CTNNA3: variants seen among roughly 807,000 people sequenced by gnomAD.
The protein encoded by CTNNA3 is catenin alpha-3.
A neutral mutation model predicts 95.7 loss-of-function variants in CTNNA3; 76 were observed. That is an observed-to-expected ratio of 0.79 (90% CI 0.66 to 0.96). The LOEUF (loss-of-function observed/expected upper bound fraction) is 0.96. Among genes scored for constraint, CTNNA3 ranks in the 40% least tolerant of loss-of-function variants. The pLI is 0.00. For missense variants in CTNNA3, 1,191 were observed against 1,089.8 expected (o/e 1.09, Z -1.31); for synonymous variants, 431 against 374.4 (o/e 1.15, Z -1.74).
At chr10:66,750,721 T>G (rs1282617167) in intron 9 of CTNNA3, among the ~76,000 whole-genome samples, 1 of 152,190 alleles carries the variant, frequency 6.6e-6, no homozygotes, top group African/African-American at 2.4e-5. Flanking sequence ...TATATAAACT[T>G]TAGAAGTAAT....
At chr10:66,824,320 G>A (rs1029433807) in intron 7 of CTNNA3, among the ~76,000 whole-genome samples, 1 of 152,114 alleles carries the variant, frequency 6.6e-6, no homozygotes, top group Non-Finnish European at 1.5e-5. Flanking sequence ...TTCAAGTCAC[G>A]GACTAGGATA....
At chr10:66,560,624 A>T (rs933166310) in intron 10 of CTNNA3, among the ~76,000 whole-genome samples, 3 of 152,056 alleles carry the variant, frequency 2.0e-5, no homozygotes, top group Admixed American at 6.6e-5. Flanking sequence ...ATATTAGTTT[A>T]TGAATTCATT....
chr10:67,511,676 C>A (rs1246307541), intron 5 of CTNNA3, among the ~76,000 whole-genome samples: 2 of 152,100 alleles, frequency 1.3e-5, no homozygotes, highest in African/African-American at 4.8e-5. Context: ...TGTGTCTCTG[C>A]CAGGCTTTGG....
intron 15 of CTNNA3, among the ~76,000 whole-genome samples, chr10:66,030,937 G>GA (rs1043146898): frequency 8.6e-5 from 13 of 151,512 alleles, no homozygotes; most frequent in African/African-American, 3.1e-4. Flanking sequence ...ACATACATAT[G>GA]AAAAAAATGC....
chr10:66,673,600 G>A (rs1330390404), intron 9 of CTNNA3, among the ~76,000 whole-genome samples: 1 of 151,946 alleles, frequency 6.6e-6, no homozygotes, highest in Non-Finnish European at 1.5e-5. Context: ...GGTGGAAAAT[G>A]ATATATTTAA....
chr10:67,537,273 AGTT>A (rs1840514857), intron 4 of CTNNA3, among the ~76,000 whole-genome samples: 2 of 152,270 alleles, frequency 1.3e-5, no homozygotes, highest in African/African-American at 4.8e-5. Flanking sequence ...CCATTAGAGT[AGTT>A]AAGTTCCAAA....
intron 1 of CTNNA3, among the ~76,000 whole-genome samples, chr10:67,669,165 T>C (rs1259779188): frequency 6.6e-6 from 1 of 152,186 alleles, no homozygotes; most frequent in Non-Finnish European, 1.5e-5. Flanking sequence ...AGCAGTGGGC[T>C]CTTAGCAGGT....
chr10:66,331,338 G>GTTT (rs2092326740), intron 12 of CTNNA3, among the ~76,000 whole-genome samples: 1 of 39,116 alleles, frequency 2.6e-5, no homozygotes, highest in Non-Finnish European at 5.9e-5. Context: ...TTTCCCCATT[G>GTTT]TTTGTTTTTT....
chr10:66,385,318 C>G (rs4483479), intron 11 of CTNNA3, among the ~76,000 whole-genome samples: 2 of 151,872 alleles, frequency 1.3e-5, no homozygotes, highest in Non-Finnish European at 2.9e-5. Flanking sequence ...AACACCTCTA[C>G]GCAAATAAAC....
At chr10:65,992,133 T>C (rs1158394195) in intron 15 of CTNNA3, among the ~76,000 whole-genome samples, 1 of 152,168 alleles carries the variant, frequency 6.6e-6, no homozygotes, top group African/African-American at 2.4e-5. Flanking sequence ...TTTGGTGTGC[T>C]GTTTGATTAA....
At chr10:67,558,591 C>T (rs981030942) in intron 3 of CTNNA3, among the ~76,000 whole-genome samples, 3 of 152,210 alleles carry the variant, frequency 2.0e-5, no homozygotes, top group African/African-American at 7.2e-5. Flanking sequence ...GCATTTCCAT[C>T]TGAGGTACCG....
In CTNNA3 at chr10:67,518,172, A is replaced by T. The variant is rs574936258; in HGVS notation, c.579+3670T>A. On this transcript the variant is annotated intron_variant, in intron 5 of 17. Coordinates refer to ENST00000433211, the MANE Select transcript of CTNNA3 (RefSeq NM_013266.4). ...AGGTTTGGGTAACTACAAAGCTCAC[A>T]CTCTAATCACTGTACTACATGGATT... 2.0e-5 allele frequency among the ~76,000 whole-genome samples: 3 copies of T among 152,226 alleles called. No individual in the cohort carries two copies. The East Asian group carries it at 5.8e-4, about 29-fold the overall frequency.
chr10:66,205,637 T>C (rs571870457), intron 13 of CTNNA3, among the ~76,000 whole-genome samples: 1 of 152,128 alleles, frequency 6.6e-6, no homozygotes, highest in East Asian at 1.9e-4. Flanking sequence ...AAAACAGTTA[T>C]AGGTACAATT....
intron 13 of CTNNA3, among the ~76,000 whole-genome samples, chr10:66,180,406 G>A (rs2085978168): frequency 1.3e-5 from 2 of 152,152 alleles, no homozygotes; most frequent in African/African-American, 4.8e-5. Context: ...TCAGAGGTCA[G>A]TATCATTGAG....
At chr10:66,676,888 A>C (rs1420627213) in intron 9 of CTNNA3, among the ~76,000 whole-genome samples, 1 of 152,084 alleles carries the variant, frequency 6.6e-6, no homozygotes, top group Non-Finnish European at 1.5e-5. Flanking sequence ...ATGTCATCTT[A>C]AACAAGTGGG....
At chr10:66,914,651 A>G (rs1846393401) in intron 7 of CTNNA3, among the ~76,000 whole-genome samples, 1 of 152,120 alleles carries the variant, frequency 6.6e-6, no homozygotes, top group Non-Finnish European at 1.5e-5. Context: ...ACTTAAAAAG[A>G]GCTCATGGAG....
At chr10:67,102,841 A>T (rs545504534) in intron 7 of CTNNA3, among the ~76,000 whole-genome samples, 106 of 151,992 alleles carry the variant, frequency 7.0e-4, no homozygotes, top group Admixed American at 2.5e-3. Context: ...TCCTCAGTCT[A>T]TAGGAAATGA....
At chr10:66,099,097 T>TACTAAACA (rs2081512544) in intron 14 of CTNNA3, among the ~76,000 whole-genome samples, 2 of 152,192 alleles carry the variant, frequency 1.3e-5, no homozygotes, top group Admixed American at 6.5e-5. Context: ...AGTGCCTGGT[T>TACTAAACA]CTAGCGCATG....
intron 12 of CTNNA3, among the ~76,000 whole-genome samples, chr10:66,335,193 G>A (rs982517814): frequency 2.0e-5 from 3 of 151,984 alleles, no homozygotes; most frequent in Non-Finnish European, 2.9e-5. Context: ...CTTTAGCTCA[G>A]AGTAGTTTGA....
Sources: gnomAD v4.1 joint callset for allele counts (sites outside exome capture counted in the v4.1 genomes callset) on GRCh38, gnomAD v4.1.1 for gene constraint, MANE v1.5 for transcripts, NCBI Gene and HGNC (gene_info 2026-07-23, HGNC 2026-07-21) for gene names.